CDH12: variants seen among roughly 807,000 people sequenced by gnomAD.
CDH12 encodes cadherin-12.
CDH12 carries 41 observed loss-of-function variants against 74.1 expected under a neutral mutation model. The observed-to-expected ratio is 0.55, with a 90% CI of 0.43 to 0.72. CDH12 has a LOEUF of 0.72. CDH12 is among the 30% of genes least tolerant of loss of function. The pLI is 0.00. For synonymous variants in CDH12, 399 were observed against 355.0 expected, an observed-to-expected ratio of 1.12 and a Z score of -1.39; for missense variants, 945 against 977.2, an observed-to-expected ratio of 0.97 and a Z score of 0.44.
intron 6 of CDH12, among the ~76,000 whole-genome samples, chr5:21,918,537 G>A (rs141959190): frequency 0.048 from 7,345 of 152,116 alleles, 305 homozygotes; most frequent in Admixed American, 0.11. Flanking sequence ...GGCAGAAGGC[G>A]AAGGGGAAGC....
chr5:21,895,859 C>A (rs1363269180), intron 6 of CDH12, among the ~76,000 whole-genome samples: 1 of 152,158 alleles, frequency 6.6e-6, no homozygotes, highest in Non-Finnish European at 1.5e-5. Flanking sequence ...GGCCTGGAAG[C>A]AAACACAGCC....
intron 6 of CDH12, among the ~76,000 whole-genome samples, chr5:21,857,650 C>A (rs935435703): frequency 1.3e-5 from 2 of 151,776 alleles, no homozygotes; most frequent in Non-Finnish European, 2.9e-5. Context: ...AGAACTATGA[C>A]GAAGAGGCAT....
intron 1 of CDH12, among the ~76,000 whole-genome samples, chr5:22,691,434 C>T (rs1415286802): frequency 6.6e-6 from 1 of 152,166 alleles, no homozygotes; most frequent in African/African-American, 2.4e-5. Flanking sequence ...CTGCAATTTA[C>T]TACCTATGTG....
chr5:22,813,898 C>G (rs1749266079), intron 1 of CDH12, among the ~76,000 whole-genome samples: 1 of 152,156 alleles, frequency 6.6e-6, no homozygotes, highest in African/African-American at 2.4e-5. Context: ...AAGGACCCAG[C>G]TATGTCATGC....
At chr5:22,584,890 T>C (rs969141728) in intron 1 of CDH12, among the ~76,000 whole-genome samples, 1 of 152,172 alleles carries the variant, frequency 6.6e-6, no homozygotes, top group African/African-American at 2.4e-5. Context: ...TTTAACACCA[T>C]TTCTTTCACT....
intron 4 of CDH12, among the ~76,000 whole-genome samples, chr5:22,152,849 T>A (rs1747689541): frequency 6.6e-6 from 1 of 152,110 alleles, no homozygotes; most frequent in African/African-American, 2.4e-5. Flanking sequence ...CTTTCAAGAG[T>A]GAGATATTGT....
intron 3 of CDH12, among the ~76,000 whole-genome samples, chr5:22,298,820 T>C (rs1737740573): frequency 6.6e-6 from 1 of 152,178 alleles, no homozygotes; most frequent in Admixed American, 6.5e-5. Flanking sequence ...GTTTCTCTAA[T>C]AGATCAATGC....
intron 4 of CDH12, among the ~76,000 whole-genome samples, chr5:22,189,371 A>G (rs1194489827): frequency 6.6e-6 from 1 of 152,180 alleles, no homozygotes; most frequent in Non-Finnish European, 1.5e-5. Context: ...GTTGATAAAT[A>G]TTAATAATAT....
intron 3 of CDH12, among the ~76,000 whole-genome samples, chr5:22,230,578 C>A (rs192151760): frequency 6.0e-4 from 91 of 150,630 alleles, no homozygotes; most frequent in Non-Finnish European, 1.2e-3. Flanking sequence ...TTAAGCGATT[C>A]TCCTGCCCCA....
chr5:22,086,756 A>C (rs1743094808), intron 4 of CDH12, among the ~76,000 whole-genome samples: 1 of 152,154 alleles, frequency 6.6e-6, no homozygotes, highest in Non-Finnish European at 1.5e-5. Context: ...AAAATGTTAA[A>C]AAAAAAAGAA....
chr5:22,707,509 C>T (rs1015443807), intron 1 of CDH12, among the ~76,000 whole-genome samples: 2 of 152,090 alleles, frequency 1.3e-5, no homozygotes, highest in Admixed American at 1.3e-4. Flanking sequence ...GTGTATTTGT[C>T]TTTGAACTAT....
intron 9 of CDH12, among the ~76,000 whole-genome samples, chr5:21,811,709 C>CTT (rs371359584): frequency 0.016 from 2,290 of 139,106 alleles, 91 homozygotes; most frequent in African/African-American, 0.055. Context: ...ATAGGACAAG[C>CTT]TTTTTTTTTT....
In CDH12 at chr5:22,135,310, T is replaced by C. The variant is rs564121318; in HGVS notation, c.-186-56448A>G. Among the ~76,000 whole-genome samples, 484 of 151,886 alleles carry C rather than the reference T, an allele frequency of 3.2e-3. 1 individual carries two copies. Among genetic ancestry groups the C allele is most frequent in the Non-Finnish European group, 5.5e-3 (372 of 67,950 alleles). On this transcript the variant is annotated intron_variant, in intron 4 of 14. Coordinates refer to ENST00000382254, the MANE Select transcript of CDH12 (RefSeq NM_004061.5). Reference sequence around the variant, plus strand: ...TTTCAAATGATATGGTACTGCTGAGTAAAAATGACTAGGTCCATTTTTAAG... The same window carrying C: ...TTTCAAATGATATGGTACTGCTGAGCAAAAATGACTAGGTCCATTTTTAAG...
rs372403806 is a variant in CDH12 at position 22,619,360 on chromosome 5, C to A, written c.-522-113996G>T. On this transcript the variant is annotated intron_variant, in intron 1 of 14. Transcript: ENST00000382254. ...ACACAGCAAGTTCTGTTACTTTGAT[C>A]CAAAAGGAGGTCAGTTCCTGCTGAT... Among the ~76,000 whole-genome samples, 291 of 152,128 alleles carry A rather than the reference C, an allele frequency of 1.9e-3. 1 individual carries two copies. The highest frequency in any genetic ancestry group is 6.8e-3 in the African/African-American group (281 of 41,536).
Position 22,017,586 on chromosome 5 carries a change from A to G in CDH12, c.232-42201T>C, listed in dbSNP as rs1050384398. Reference sequence around the variant, plus strand: ...TGGTGAATTTTGGACGAAATCATAAAGAGACTAATCTCAGAAACTGTCCTT... The same window carrying G: ...TGGTGAATTTTGGACGAAATCATAAGGAGACTAATCTCAGAAACTGTCCTT... On this transcript the variant is annotated intron_variant, in intron 5 of 14. Transcript: ENST00000382254. 3.5e-4 allele frequency among the ~76,000 whole-genome samples: 53 copies of G among 152,266 alleles called. 1 individual carries two copies. The highest frequency in any genetic ancestry group is 2.6e-3 in the Admixed American group (39 of 15,290).
chr5:22,355,250 C>T (rs1740513260), intron 3 of CDH12, among the ~76,000 whole-genome samples: 1 of 151,876 alleles, frequency 6.6e-6, no homozygotes, highest in Non-Finnish European at 1.5e-5. Context: ...TAATTTACTG[C>T]CAAGAGGGGA....
At chr5:21,783,277 A>T in intron 11 of CDH12, 81 bp downstream of exon 11, 1 of 1,268,858 alleles carries the variant, frequency 7.9e-7, no homozygotes, top group Non-Finnish European at 1.1e-6. Flanking sequence ...AAAATGAAAA[A>T]CATCTCAGCA....
intron 6 of CDH12, among the ~76,000 whole-genome samples, chr5:21,892,089 T>C (rs1027681723): frequency 3.9e-5 from 6 of 152,134 alleles, no homozygotes; most frequent in Non-Finnish European, 5.9e-5. Flanking sequence ...GTTAATAAAA[T>C]AGTATTTAAA....
intron 2 of CDH12, among the ~76,000 whole-genome samples, chr5:22,454,739 T>C (rs1023456144): frequency 6.6e-6 from 1 of 152,152 alleles, no homozygotes; most frequent in Non-Finnish European, 1.5e-5. Context: ...CCTCCCAAAG[T>C]GATTGGATTA....
Sources: allele counts gnomAD v4.1 joint callset (sites outside exome capture counted in the v4.1 genomes callset), GRCh38; gene constraint gnomAD v4.1.1; transcripts MANE v1.5; gene names NCBI Gene and HGNC (gene_info 2026-07-23, HGNC 2026-07-21).